The following MICAL2 variants were observed in gnomAD, a reference collection of about 807,000 sequenced individuals.
MICAL2 encodes microtubule associated monooxygenase, calponin and LIM domain containing 2.
A neutral mutation model predicts 127.3 loss-of-function variants in MICAL2; 77 were observed. That is an observed-to-expected ratio of 0.60 (90% CI 0.50 to 0.73). MICAL2 has a LOEUF of 0.73. MICAL2 is among the 30% of genes least tolerant of loss of function. The pLI is 0.00. For synonymous variants in MICAL2, 570 were observed against 551.1 expected (o/e 1.03, Z -0.48); for missense variants, 1,351 against 1,434.4 (o/e 0.94, Z 0.94).
At chr11:12,111,541 G>A (rs117678514) in intron 1 of MICAL2, among the ~76,000 whole-genome samples, 2,653 of 152,358 alleles carry the variant, frequency 0.017, 27 homozygotes, top group Non-Finnish European at 0.026. Context: ...ACTGGATGGG[G>A]ATGAGGGGAT....
downstream of MICAL2, chr11:12,294,697 C>T (rs754452568): frequency 3.7e-6 from 6 of 1,614,154 alleles, no homozygotes; most frequent in East Asian, 8.9e-5. Flanking sequence ...ACATCAGGGA[C>T]CTCTTTGGCA....
intron 33 of MICAL2, among the ~76,000 whole-genome samples, chr11:12,353,915 T>C (rs890527366): frequency 2.0e-5 from 3 of 152,324 alleles, no homozygotes; most frequent in East Asian, 1.9e-4. Context: ...TTGGGCATCA[T>C]TGGAGTTAAT....
downstream of MICAL2, chr11:12,358,656 G>C (rs1939165833): frequency 3.9e-6 from 2 of 516,548 alleles, no homozygotes; most frequent in Non-Finnish European, 3.2e-6. Context: ...GGTTCTTCCA[G>C]AGATTCAAAT....
At chr11:12,323,889 T>C in intron 30 of MICAL2, 1 of 1,389,174 alleles carries the variant, frequency 7.2e-7, no homozygotes, top group Non-Finnish European at 9.7e-7. Flanking sequence ...GAATCATTAG[T>C]TGGAGAGGGT....
At chr11:12,351,824 TC>T (rs1283134818) in intron 33 of MICAL2, among the ~76,000 whole-genome samples, 1 of 151,824 alleles carries the variant, frequency 6.6e-6, no homozygotes. Flanking sequence ...AGAGTCTCGC[TC>T]TTTCACCCTG....
At chr11:12,294,962 T>C (rs1863967042), downstream of MICAL2, 3 of 1,346,704 alleles carry the variant, frequency 2.2e-6, no homozygotes, top group East Asian at 5.4e-5. Context: ...GCTTCTCAAA[T>C]ACTAACAAAA....
intron 3 of MICAL2, among the ~76,000 whole-genome samples, chr11:12,175,601 G>A (rs1318572020): frequency 2.0e-5 from 3 of 152,120 alleles, no homozygotes; most frequent in Non-Finnish European, 4.4e-5. Context: ...GTGTGTGTGT[G>A]TGTATGTCAG....
chr11:12,306,880 G>A (rs76039624), intron 29 of MICAL2, among the ~76,000 whole-genome samples: 5,624 of 152,216 alleles, frequency 0.037, 377 homozygotes, highest in African/African-American at 0.13. Context: ...ACATGAGATG[G>A]GGTTTAGTTT....
At chr11:12,327,229 G>T in exon 32 of MICAL2, 1 of 1,551,466 alleles carries the variant, frequency 6.4e-7, no homozygotes, top group Non-Finnish European at 8.7e-7. Context: ...CTGAGATCCA[G>T]GGTGTGAGGC....
rs577479061 is a variant in MICAL2 at position 12,163,382 on chromosome 11, G to A, written c.264+963G>A. Reference sequence around the variant, plus strand: ...GGAGGTAGCTCAGCTAGAACCCTAGGAATTCCAGCCGGTGCCAATCCCGGG... The same window carrying A: ...GGAGGTAGCTCAGCTAGAACCCTAGAAATTCCAGCCGGTGCCAATCCCGGG... On this transcript the variant is annotated intron_variant, in intron 3 of 27. Coordinates refer to ENST00000683283, the MANE Select transcript of MICAL2 (RefSeq NM_001282663.2). Among the ~76,000 whole-genome samples the A allele has an allele frequency of 1.6e-4, 24 of 152,328 alleles. 1 individual carries two copies. In the South Asian group the frequency reaches 4.8e-3, roughly 30 times the overall value.
At chr11:12,217,668 C>G (rs1014058083) in intron 8 of MICAL2, among the ~76,000 whole-genome samples, 2 of 152,146 alleles carry the variant, frequency 1.3e-5, no homozygotes, top group African/African-American at 4.8e-5. Context: ...GCACCGTGGC[C>G]TCCTGGGATG....
intron 32 of MICAL2, among the ~76,000 whole-genome samples, chr11:12,336,573 G>GAT (rs1938764829): frequency 6.6e-6 from 1 of 152,138 alleles, no homozygotes; most frequent in Admixed American, 6.5e-5. Context: ...CATTCAGTAT[G>GAT]ATATTGGCTG....
At chr11:12,154,152 G>A (rs1293491132) in intron 2 of MICAL2, among the ~76,000 whole-genome samples, 1 of 152,190 alleles carries the variant, frequency 6.6e-6, no homozygotes, top group Non-Finnish European at 1.5e-5. Context: ...TGGAGCTGCT[G>A]GAAGGAACAC....
intron 15 of MICAL2, among the ~76,000 whole-genome samples, chr11:12,234,168 C>T (rs1267832121): frequency 6.6e-6 from 1 of 152,134 alleles, no homozygotes; most frequent in Admixed American, 6.5e-5. Context: ...TTCATAAGCC[C>T]ATGGCTAATA....
chr11:12,358,824 T>G (rs1350703799), downstream of MICAL2: 1 of 166,432 alleles, frequency 6.0e-6, no homozygotes, highest in Non-Finnish European at 1.3e-5. Flanking sequence ...CCCAATTCAT[T>G]GAGTTACATA....
intron 22 of MICAL2, chr11:12,254,708 G>A (rs1862068705): frequency 6.6e-6 from 1 of 152,164 alleles, no homozygotes; most frequent in Non-Finnish European, 1.5e-5. Context: ...AGCGGCCTCA[G>A]ATAGACCGTT....
At chr11:12,137,791 T>G (rs542187329) in intron 1 of MICAL2, among the ~76,000 whole-genome samples, 1 of 152,366 alleles carries the variant, frequency 6.6e-6, no homozygotes, top group African/African-American at 2.4e-5. Flanking sequence ...TAGAAATATT[T>G]TGTAACTCTG....
intron 18 of MICAL2, among the ~76,000 whole-genome samples, chr11:12,241,696 C>A (rs774711565): frequency 6.6e-6 from 1 of 152,186 alleles, no homozygotes; most frequent in Non-Finnish European, 1.5e-5. Context: ...GAATCTGAAC[C>A]GAATCACTGT....
chr11:12,111,370 C>G (rs558704984), intron 1 of MICAL2, among the ~76,000 whole-genome samples: 2 of 152,142 alleles, frequency 1.3e-5, no homozygotes, highest in African/African-American at 2.4e-5. Flanking sequence ...CAGGAGCACC[C>G]CCGCAGGGTG....
Sources: allele counts gnomAD v4.1 joint callset (sites outside exome capture counted in the v4.1 genomes callset), GRCh38; gene constraint gnomAD v4.1.1; transcripts MANE v1.5; gene names NCBI Gene and HGNC (gene_info 2026-07-23, HGNC 2026-07-21).